The following EZR variants were observed in gnomAD, a reference collection of about 807,000 sequenced individuals.
The protein encoded by EZR is ezrin.
In EZR, 40 loss-of-function variants were observed where a neutral mutation model predicts 74.8. That is an observed-to-expected ratio of 0.53 (90% CI 0.42 to 0.70). EZR has a LOEUF of 0.70. Among genes scored for constraint, EZR ranks in the 30% least tolerant of loss-of-function variants. The pLI is 0.00. For synonymous variants in EZR, 341 were observed against 283.3 expected, an observed-to-expected ratio of 1.20 and a Z score of -2.05; for missense variants, 678 against 755.8, an observed-to-expected ratio of 0.90 and a Z score of 1.21.
chr6:158,799,750 G>T (rs1440211061), intron 2 of EZR, among the ~76,000 whole-genome samples: 1 of 152,222 alleles, frequency 6.6e-6, no homozygotes, highest in Non-Finnish European at 1.5e-5. Context: ...ACTCTAATTC[G>T]GTCAAGGCAG....
chr6:158,793,296 T>C (rs1791790628), intron 2 of EZR, among the ~76,000 whole-genome samples: 2 of 152,024 alleles, frequency 1.3e-5, no homozygotes, highest in Admixed American at 6.6e-5. Context: ...GTAATAAAAC[T>C]AGGACCAGCA....
Position 158,769,901 on chromosome 6 carries a change from C to G in EZR, c.1134G>C (p.Glu378Asp), listed in dbSNP as rs2128564905. ...QIQRALQLEEERKRAQEEAER... is the reference protein window; with the variant it reads ...QIQRALQLEEDRKRAQEEAER... Reference sequence around the variant, plus strand: ...CGGCCTCCTCCTGTGCCCGCTTCCTCTCCTCCTCCAGCTGCAGGGCCCTCT... The same window carrying G: ...CGGCCTCCTCCTGTGCCCGCTTCCTGTCCTCCTCCAGCTGCAGGGCCCTCT... Residue 378 changes from glutamate to aspartate, a missense_variant, in exon 11 of 14, where the codon GAG becomes GAC. Physicochemically the swap from Glu to Asp is conservative, Grantham distance 45 (BLOSUM62 2). This residue lies in a region of EZR where 342 missense variants were observed against 341.2 expected (regional missense o/e 1.00). Coordinates refer to ENST00000367075, the MANE Select transcript of EZR (RefSeq NM_001111077.2). 1 of 1,613,252 alleles carries G rather than the reference C, an allele frequency of 6.2e-7. No individual in the cohort carries two copies. Among genetic ancestry groups the G allele is most frequent in the Non-Finnish European group, 8.5e-7 (1 of 1,180,028 alleles).
intron 2 of EZR, among the ~76,000 whole-genome samples, chr6:158,804,826 A>T (rs1049318813): frequency 6.6e-6 from 1 of 150,702 alleles, no homozygotes; most frequent in Non-Finnish European, 1.5e-5. Context: ...GGTTAGTTAC[A>T]TATGTATACA....
In EZR at chr6:158,785,549, AG is replaced by A; in HGVS notation, c.226del (p.Leu76SerfsTer31). On this transcript the variant is annotated frameshift_variant, in exon 5 of 14. Transcript: ENST00000367075. LOFTEE classifies it high-confidence loss of function. Reference protein sequence around the residue: ...SAQEVRKENPLQFKFRAKFYP... With the variant: ...SAQEVRKENPXQFKFRAKFYP... ...GAACTTGGCCCGGAACTTGAACTGG[AG>A]GGGATTCTCCTTCCTGACCTCCTGG... 1 of 1,614,082 alleles carries A rather than the reference AG, an allele frequency of 6.2e-7. No homozygotes were observed. The highest frequency in any genetic ancestry group is 8.5e-7 in the Non-Finnish European group (1 of 1,179,990).
Position 158,767,487 on chromosome 6 carries a change from A to G in EZR, c.1370T>C (p.Val457Ala). The change falls in exon 13 of 14, where the codon GTG (valine) becomes GCG (alanine). Residue 457 changes from valine to alanine, a missense_variant. By Grantham distance (64) the Val-to-Ala change is moderately conservative. Coordinates refer to ENST00000367075, the MANE Select transcript of EZR (RefSeq NM_001111077.2). ...HRAKEAQDDL[V>A]KTKEELHLVM... ...CAGGTGCAGCTCCTCCTTGGTCTTC[A>G]CCAGGTCATCCTGGGCTTCTTTGGC... is the stretch of plus-strand genomic sequence containing the variant. The G allele has an allele frequency of 1.2e-6, 2 of 1,601,198 alleles. No homozygotes were observed. The highest frequency in any genetic ancestry group is 1.1e-5 in the South Asian group (1 of 89,902).
intron 3 of EZR, 62 bp downstream of exon 3, chr6:158,789,226 T>C (rs1415154642): frequency 3.1e-6 from 4 of 1,277,376 alleles, no homozygotes; most frequent in African/African-American, 3.0e-5. Flanking sequence ...ACAAAATAAC[T>C]GAAATGTTGC....
At position 158,767,004 on chromosome 6, in the gene EZR, G is replaced by A. The variant is rs1790898293; in HGVS notation, c.1671C>T (p.Asn557=). The change falls in exon 14 of 14, where the codon AAC becomes AAT. Residue 557 remains asparagine (N), a synonymous_variant. Coordinates refer to ENST00000367075, the MANE Select transcript of EZR (RefSeq NM_001111077.2). ...TGTACTTGTCCCGGCCTTGCCTCAT[G>A]TTCTCGTTGTGGATGATGTCATTGT... The part of the protein sequence containing the change: ...RTHNDIIHNE[N]MRQGRDKYKT... 4 of 1,614,090 alleles carry A rather than the reference G, an allele frequency of 2.5e-6. No individual in the cohort carries two copies. Among genetic ancestry groups the A allele is most frequent in the African/African-American group, 1.3e-5 (1 of 74,930 alleles).
chr6:158,775,207 A>AT (rs1404099789), intron 8 of EZR, among the ~76,000 whole-genome samples: 1 of 151,650 alleles, frequency 6.6e-6, no homozygotes, highest in African/African-American at 2.4e-5. Flanking sequence ...TAATTTTTGT[A>AT]TTTTTAGTAG....
intron 2 of EZR, among the ~76,000 whole-genome samples, chr6:158,805,713 C>G (rs1198901638): frequency 6.6e-6 from 1 of 152,126 alleles, no homozygotes; most frequent in Non-Finnish European, 1.5e-5. Context: ...ATTAAAAAAA[C>G]TCTTCAATTT....
intron 8 of EZR, among the ~76,000 whole-genome samples, chr6:158,774,807 G>A (rs531006458): frequency 3.3e-5 from 5 of 151,742 alleles, no homozygotes; most frequent in South Asian, 4.2e-4. Flanking sequence ...CACAGAGTAC[G>A]TAGTAGCCTA....
intron 2 of EZR, among the ~76,000 whole-genome samples, chr6:158,789,797 T>C (rs567774723): frequency 1.3e-5 from 2 of 152,210 alleles, no homozygotes; most frequent in Non-Finnish European, 2.9e-5. Flanking sequence ...GTTTTTTACT[T>C]TTTGTAGAGA....
At position 158,818,766 on chromosome 6, in the gene EZR, G is replaced by A. The variant is rs955234437; in HGVS notation, c.-74+551C>T. 4.7e-5 allele frequency among the ~76,000 whole-genome samples: 7 copies of A among 150,384 alleles called. No homozygotes were observed. The South Asian group carries it at 1.1e-3, about 23-fold the overall frequency. On this transcript the variant is annotated intron_variant, in intron 1 of 13. Coordinates refer to ENST00000367075, the MANE Select transcript of EZR (RefSeq NM_001111077.2). ...GGGCGAGGGGCAGGAGGAACACCTA[G>A]GAGGAAGGAGTCCCGGGACAGCCAG...
chr6:158,806,367 T>G (rs892516032), intron 2 of EZR, among the ~76,000 whole-genome samples: 1 of 152,190 alleles, frequency 6.6e-6, no homozygotes, highest in Middle Eastern at 3.2e-3. Flanking sequence ...GCAAATATTC[T>G]ATTATGGAAA....
At chr6:158,767,223 AGG>A in intron 13 of EZR, 36 bp downstream of exon 13, 3 of 1,592,850 alleles carry the variant, frequency 1.9e-6, no homozygotes, top group Non-Finnish European at 8.6e-7. Flanking sequence ...TCCAAAAGCG[AGG>A]CAGGCTCCCT....
At chr6:158,768,429 G>C (rs1202484976) in intron 12 of EZR, among the ~76,000 whole-genome samples, 1 of 152,170 alleles carries the variant, frequency 6.6e-6, no homozygotes, top group Admixed American at 6.5e-5. Context: ...AGCGGGAATG[G>C]GGGCTGGAAC....
At chr6:158,767,177 C>T in intron 13 of EZR, 84 bp downstream of exon 13, 1 of 1,581,614 alleles carries the variant, frequency 6.3e-7, no homozygotes, top group Admixed American at 1.7e-5. Flanking sequence ...CTGGGTGGGG[C>T]TGGCTCACAT....
At position 158,769,894 on chromosome 6, in the gene EZR, G is replaced by A. The variant is rs757482195; in HGVS notation, c.1141C>T (p.Arg381Trp). Reference sequence around the variant, plus strand: ...AGGCGCTCGGCCTCCTCCTGTGCCCGCTTCCTCTCCTCCTCCAGCTGCAGG... The same window carrying A: ...AGGCGCTCGGCCTCCTCCTGTGCCCACTTCCTCTCCTCCTCCAGCTGCAGG... ...RALQLEEERK[R>W]AQEEAERLEA... Residue 381 changes from arginine (R) to tryptophan (W), a missense_variant, in exon 11 of 14, where the codon CGG becomes TGG. This residue lies in a region of EZR where 342 missense variants were observed against 341.2 expected (regional missense o/e 1.00). Transcript: ENST00000367075. 66 of 1,613,068 alleles carry A rather than the reference G, an allele frequency of 4.1e-5. No homozygotes were observed. Among genetic ancestry groups the A allele is most frequent in the African/African-American group, 5.3e-5 (4 of 74,876 alleles).
In EZR at chr6:158,766,958, G is replaced by C. The variant is rs771088740; in HGVS notation, c.1717C>G (p.Gln573Glu). Reference sequence around the variant, plus strand: ...TCGATGCGCTGCTTGGTGTTGCCCTGCCGGATCTGCCGCAGCGTCTTGTAC... The same window carrying C: ...TCGATGCGCTGCTTGGTGTTGCCCTCCCGGATCTGCCGCAGCGTCTTGTAC... Reference protein sequence around the residue: ...DKYKTLRQIRQGNTKQRIDEF... With the variant: ...DKYKTLRQIREGNTKQRIDEF... Residue 573 changes from glutamine to glutamate, a missense_variant, in exon 14 of 14, where the codon CAG becomes GAG. Coordinates refer to ENST00000367075, the MANE Select transcript of EZR (RefSeq NM_001111077.2). 1 of 1,614,194 alleles carries C rather than the reference G, an allele frequency of 6.2e-7. No individual in the cohort carries two copies. The highest frequency in any genetic ancestry group is 1.1e-5 in the South Asian group (1 of 91,080).
intron 1 of EZR, among the ~76,000 whole-genome samples, chr6:158,818,813 AC>A (rs1268654695): frequency 8.0e-6 from 1 of 125,254 alleles, no homozygotes; most frequent in Non-Finnish European, 1.7e-5. Context: ...GGGGCACCCG[AC>A]AGGGAGGGGT....
Sources: gnomAD v4.1 joint callset for allele counts (sites outside exome capture counted in the v4.1 genomes callset) on GRCh38, gnomAD v4.1.1 for gene constraint, gnomAD v4.1.1 regional missense constraint, MANE v1.5 for transcripts, NCBI Gene and HGNC (gene_info 2026-07-23, HGNC 2026-07-21) for gene names.